TPR: variants seen among roughly 807,000 people sequenced by gnomAD.
TPR encodes translocated promoter region, nuclear basket protein, also known as nucleoprotein TPR.
TPR carries 51 observed loss-of-function variants against 316.1 expected under a neutral mutation model. The observed-to-expected ratio is 0.16, with a 90% CI of 0.13 to 0.20. The LOEUF is 0.20. Ranked by LOEUF, TPR falls within the 10% of genes least tolerant of loss-of-function variation. The pLI is 1.00. For missense variants in TPR, 2,272 were observed against 2,754.8 expected (o/e 0.82, Z 3.92); for synonymous variants, 981 against 914.7 (o/e 1.07, Z -1.31).
chr1:186,341,633 T>G, intron 27 of TPR: 1 of 415,660 alleles, frequency 2.4e-6, no homozygotes, highest in East Asian at 4.0e-5. Context: ...AACAAAGTAT[T>G]AACATTAGGT....
rs191164845 is a variant in TPR, at chr1:186,325,519, G to C, written c.6112+245C>G. 126 of 345,950 alleles carry C rather than the reference G, an allele frequency of 3.6e-4. 1 individual carries two copies. Among genetic ancestry groups the C allele is most frequent in the Non-Finnish European group, 1.8e-4 (35 of 193,370 alleles). 21.4% of individuals were successfully genotyped at this position (345,950 alleles called of 1,614,324 possible). The stretch of plus-strand genomic sequence containing the variant: ...GGCAGCATATAGCATTTATAATACC[G>C]TAAGGGTTACAAAATGTTTGCATCT... On this transcript the variant is annotated intron_variant, in intron 42 of 50. Coordinates refer to ENST00000367478, the MANE Select transcript of TPR (RefSeq NM_003292.3).
chr1:186,322,526 C>T lies in TPR; in HGVS notation c.6358G>A (p.Gly2120Ser), dbSNP rs1385077720. The change falls in exon 44 of 51, where the codon GGT becomes AGT. Residue 2120 changes from glycine (G) to serine (S), a missense_variant. This residue lies in a region of TPR where 88 missense variants were observed against 176.2 expected (regional missense o/e 0.50). Coordinates refer to ENST00000367478, the MANE Select transcript of TPR (RefSeq NM_003292.3). Reference sequence around the variant, plus strand: ...AATGGGTAAGTACTTACCATGCCACCTATTCCTGGAGTCAACTGAAGGCCA... The same window carrying T: ...AATGGGTAAGTACTTACCATGCCACTTATTCCTGGAGTCAACTGAAGGCCA... ...GRGLQLTPGI[G>S]GMQQHFFDDE... is the part of the protein sequence containing the mutation. 1 of 1,614,076 alleles carries T rather than the reference C, an allele frequency of 6.2e-7. No homozygotes were observed. The highest frequency in any genetic ancestry group is 1.1e-5 in the South Asian group (1 of 91,086).
chr1:186,318,338 AC>A, intron 48 of TPR, 108 bp downstream of exon 48: 3 of 1,397,738 alleles, frequency 2.1e-6, no homozygotes, highest in African/African-American at 1.5e-5. Context: ...AAAAAAAAAA[AC>A]AAAAAAAAAC....
chr1:186,347,358 C>T lies in TPR; in HGVS notation c.2877G>A (p.Thr959=), dbSNP rs371004800. Residue 959 remains threonine (T), a synonymous_variant, in exon 22 of 51, where the codon ACG becomes ACA. Coordinates refer to ENST00000367478, the MANE Select transcript of TPR (RefSeq NM_003292.3). Reference sequence around the variant, plus strand: ...TTGCTTGATATTGTTCCACATTGCTCGTACTTGTTTTGAGTCTCTCCTTTA... The same window carrying T: ...TTGCTTGATATTGTTCCACATTGCTTGTACTTGTTTTGAGTCTCTCCTTTA... ...NDLKERLKTS[T]SNVEQYQAMV... The T allele has an allele frequency of 1.8e-5, 29 of 1,614,006 alleles. No homozygotes were observed. The highest frequency in any genetic ancestry group is 1.3e-5 in the Non-Finnish European group (15 of 1,179,958).
chr1:186,351,245 C>A, intron 20 of TPR, 85 bp downstream of exon 20: 1 of 1,397,896 alleles, frequency 7.2e-7, no homozygotes, highest in South Asian at 1.9e-5. Flanking sequence ...AATCATGCTT[C>A]ATCTTGGATG....
At position 186,326,111 on chromosome 1, in the gene TPR, T is replaced by G; in HGVS notation, c.6014A>C (p.Asp2005Ala). 1 of 1,613,802 alleles carries G rather than the reference T, an allele frequency of 6.2e-7. No individual in the cohort carries two copies. The highest frequency in any genetic ancestry group is 8.5e-7 in the Non-Finnish European group (1 of 1,179,806). The change falls in exon 41 of 51, where the codon GAT becomes GCT. Residue 2005 changes from aspartate (D) to alanine (A), a missense_variant. Coordinates refer to ENST00000367478, the MANE Select transcript of TPR (RefSeq NM_003292.3). ...AAAATTCTAGCCAGTTACCTCAGCA[T>G]CATCAGCTTCATAACCATCATTGCC... Reference protein sequence around the residue: ...ADGNDGYEADDAEGGDGTDPG... With the variant: ...ADGNDGYEADAAEGGDGTDPG...
At position 186,314,079 on chromosome 1, in the gene TPR, A is replaced by T. The variant is rs553069068; in HGVS notation, c.7037-53T>A. The stretch of plus-strand genomic sequence containing the variant: ...ATATATCTTTTAAGAATTCAAAACT[A>T]GTGTATTCACTTACCCTAGTTCATT... On this transcript the variant is annotated intron_variant, in intron 50 of 50. Coordinates refer to ENST00000367478, the MANE Select transcript of TPR (RefSeq NM_003292.3). The T allele has an allele frequency of 3.3e-4, 504 of 1,533,328 alleles. 1 individual carries two copies. The highest frequency in any genetic ancestry group is 3.6e-4 in the East Asian group (16 of 44,376). The allele number at this position is 1,533,328 out of a possible 1,614,324, so 95.0% of individuals were successfully genotyped here.
chr1:186,373,712 A>G (rs1028894622), intron 1 of TPR, among the ~76,000 whole-genome samples: 1 of 152,232 alleles, frequency 6.6e-6, no homozygotes, highest in Non-Finnish European at 1.5e-5. Flanking sequence ...TTTACAAATC[A>G]ATGTCTTCAA....
chr1:186,318,376 T>C, intron 48 of TPR, 71 bp downstream of exon 48: 1 of 1,522,472 alleles, frequency 6.6e-7, no homozygotes, highest in Non-Finnish European at 8.8e-7. Flanking sequence ...GATTGTTTCT[T>C]GGCTAAAGGA....
chr1:186,312,482 T>C lies in TPR; in HGVS notation c.*1489A>G. 8.9e-7 allele frequency: 1 copy of C among 1,121,276 alleles called. No individual in the cohort carries two copies. The allele number at this position is 1,121,276 out of a possible 1,614,324, so 69.5% of individuals were successfully genotyped here. On this transcript the variant is annotated 3_prime_UTR_variant, in exon 51 of 51. Transcript: ENST00000367478. ...GATACTGATCAAACAGCCCTAATAA[T>C]TTAAGCTTACTGATGAAAAACTCAT... is the stretch of plus-strand genomic sequence containing the variant.
chr1:186,344,089 T>A lies in TPR; in HGVS notation c.3419A>T (p.Asp1140Val), dbSNP rs1658603217. Residue 1140 changes from aspartate (D) to valine (V), a missense_variant and splice_region_variant, in exon 26 of 51, where the codon GAT becomes GTT. Asp to Val is a radical substitution (Grantham distance 152). This residue lies in a region of TPR where 757 missense variants were observed against 859.8 expected (regional missense o/e 0.88). Transcript: ENST00000367478. ...SWEERERMLK[D>V]EVSKCVCRCE... ...GCGACATACACATTTGGAAACTTCATCCTGCAAGCCAAGAGTCTATCAGAA... is the reference window on the plus strand; with the variant it reads ...GCGACATACACATTTGGAAACTTCAACCTGCAAGCCAAGAGTCTATCAGAA... 3 of 1,612,332 alleles carry A rather than the reference T, an allele frequency of 1.9e-6. No homozygotes were observed. The highest frequency in any genetic ancestry group is 1.3e-5 in the African/African-American group (1 of 74,828).
Position 186,355,116 on chromosome 1 carries a change from G to T in TPR, c.2171+294C>A, listed in dbSNP as rs550815006. ...GATGGGGTTTCACCATGGTGGCCAG[G>T]CTGGTCTTGAATTCCTGCCCTCAAA... On this transcript the variant is annotated intron_variant, in intron 17 of 50. Transcript: ENST00000367478. Among the ~76,000 whole-genome samples, 3 of 152,226 alleles carry T rather than the reference G, an allele frequency of 2.0e-5. No homozygotes were observed. In the East Asian group the frequency reaches 5.8e-4, roughly 29 times the overall value.
At chr1:186,363,994 T>C (rs1025233808) in intron 4 of TPR, among the ~76,000 whole-genome samples, 2 of 152,202 alleles carry the variant, frequency 1.3e-5, no homozygotes, top group East Asian at 3.9e-4. Flanking sequence ...TAAGCTCAAG[T>C]GTTTTGAGTG....
chr1:186,332,416 T>C, intron 37 of TPR, 73 bp from the exon 38 acceptor site: 4 of 1,508,594 alleles, frequency 2.7e-6, no homozygotes, highest in South Asian at 1.2e-5. Flanking sequence ...TTACCCAATA[T>C]GGTCACTTAA....
intron 13 of TPR, 25 bp downstream of exon 13, chr1:186,358,518 G>A (rs1206165867): frequency 6.3e-7 from 1 of 1,589,406 alleles, no homozygotes; most frequent in Non-Finnish European, 8.6e-7. Flanking sequence ...TTTAAAAGTA[G>A]GAAAACAAAC....
At chr1:186,350,509 A>G (rs1327501341) in intron 20 of TPR, 121 bp from the exon 21 acceptor site, 14 of 703,348 alleles carry the variant, frequency 2.0e-5, no homozygotes, top group Non-Finnish European at 2.6e-5. Flanking sequence ...ATTTACCGTC[A>G]CACCTGAAAC....
rs773581625 is a variant in TPR at position 186,341,011 on chromosome 1, G to C, written c.4020+17C>G. Reference sequence around the variant, plus strand: ...ACACGTGTTTCCATGTTTTGGAAGAGTTTTAACTGCATTTACCTGGTTACG... The same window carrying C: ...ACACGTGTTTCCATGTTTTGGAAGACTTTTAACTGCATTTACCTGGTTACG... On this transcript the variant is annotated intron_variant, in intron 29 of 50. Transcript: ENST00000367478. 6.2e-6 allele frequency: 10 copies of C among 1,606,252 alleles called. No individual in the cohort carries two copies. In the South Asian group the frequency reaches 1.1e-4, roughly 18 times the overall value.
chr1:186,356,043 C>A (rs1213876077), intron 15 of TPR, among the ~76,000 whole-genome samples: 1 of 152,020 alleles, frequency 6.6e-6, no homozygotes, highest in Admixed American at 6.6e-5. Context: ...TAAAACATAA[C>A]CAAAATAAAT....
chr1:186,339,802 T>C (rs1174634538), intron 29 of TPR, 30 bp from the exon 30 acceptor site: 7 of 1,542,252 alleles, frequency 4.5e-6, no homozygotes, highest in Non-Finnish European at 6.1e-6. Context: ...TACTTGATTT[T>C]TTTAGGTTTT....
Sources: allele counts gnomAD v4.1 joint callset (sites outside exome capture counted in the v4.1 genomes callset), GRCh38; gene constraint gnomAD v4.1.1; regional missense constraint gnomAD v4.1.1; transcripts MANE v1.5; gene names NCBI Gene and HGNC (gene_info 2026-07-23, HGNC 2026-07-21).